Variants in RNF19A observed in about 807,000 individuals in gnomAD.
RNF19A encodes E3 ubiquitin-protein ligase RNF19A.
In RNF19A, 32 loss-of-function variants were observed where a neutral mutation model predicts 75.7. The ratio of observed to expected loss-of-function variants is 0.42; its 90% CI spans 0.32 to 0.57. The LOEUF (loss-of-function observed/expected upper bound fraction) is 0.57, where lower values mean the gene tolerates loss of function less well. Among genes scored for constraint, RNF19A ranks in the 20% least tolerant of loss-of-function variants. The probability of loss-of-function intolerance (pLI) is 0.10; values close to 1 mark genes in which losing one functional copy is unlikely to be tolerated. For missense variants in RNF19A, 782 were observed against 1,036.3 expected, an observed-to-expected ratio of 0.75 and a Z score of 3.37; for synonymous variants, 335 against 345.2, an observed-to-expected ratio of 0.97 and a Z score of 0.33.
intron 1 of RNF19A, among the ~76,000 whole-genome samples, chr8:100,327,004 T>C (rs60530370): frequency 0.022 from 3,299 of 152,324 alleles, 115 homozygotes; most frequent in African/African-American, 0.074. Context: ...TGATTAACAG[T>C]TCCTCAGCAG....
At chr8:100,311,863 A>T (rs999424575), upstream of RNF19A, among the ~76,000 whole-genome samples, 2 of 152,222 alleles carry the variant, frequency 1.3e-5, no homozygotes, top group Non-Finnish European at 2.9e-5. Flanking sequence ...TACAACGGTA[A>T]TATTTTCCAG....
At chr8:100,285,549 G>A (rs1480477537) in intron 2 of RNF19A, among the ~76,000 whole-genome samples, 1 of 150,832 alleles carries the variant, frequency 6.6e-6, no homozygotes, top group Non-Finnish European at 1.5e-5. Context: ...GTGACCAGAA[G>A]GTTTGTGTCC....
At chr8:100,335,713 G>A (rs1362490430) in intron 1 of RNF19A, among the ~76,000 whole-genome samples, 1 of 152,128 alleles carries the variant, frequency 6.6e-6, no homozygotes, top group East Asian at 1.9e-4. Context: ...GGCTTTTTAT[G>A]GTTTGAAGAG....
intron 1 of RNF19A, among the ~76,000 whole-genome samples, chr8:100,315,405 A>G (rs1409981775): frequency 6.6e-6 from 1 of 152,102 alleles, no homozygotes; most frequent in East Asian, 1.9e-4. Context: ...GGGGGGAAAA[A>G]TGCAACCAGG....
At chr8:100,265,394 G>A (rs1437996195) in intron 5 of RNF19A, among the ~76,000 whole-genome samples, 2 of 152,102 alleles carry the variant, frequency 1.3e-5, no homozygotes, top group Non-Finnish European at 2.9e-5. Flanking sequence ...GATAAATAAT[G>A]GCTACCAGAA....
intron 5 of RNF19A, among the ~76,000 whole-genome samples, chr8:100,265,680 T>C (rs1237294131): frequency 6.6e-6 from 1 of 152,178 alleles, no homozygotes; most frequent in Non-Finnish European, 1.5e-5. Context: ...TATTATTACA[T>C]GGTATAATAA....
chr8:100,269,134 T>C lies in RNF19A; in HGVS notation c.1029-187A>G, dbSNP rs902016871. 6.6e-6 allele frequency among the ~76,000 whole-genome samples: 1 copy of C among 150,430 alleles called. No homozygotes were observed. Among genetic ancestry groups the C allele is most frequent in the Admixed American group, 6.6e-5 (1 of 15,052 alleles). ...AAATTATATTAACAAGATATTGATA[T>C]ATCTTATTTTATATTATATTTTATT... On this transcript the variant is annotated intron_variant, in intron 4 of 9. Coordinates refer to ENST00000341084, the MANE Select transcript of RNF19A (RefSeq NM_183419.4). This position sits in a 1 kb window ranked among gnomAD's most constrained non-coding sequence, Gnocchi z 5.7.
chr8:100,307,766 T>C (rs753147086), intron 1 of RNF19A, among the ~76,000 whole-genome samples: 2 of 152,176 alleles, frequency 1.3e-5, no homozygotes, highest in Non-Finnish European at 2.9e-5. Flanking sequence ...CGACTTCACT[T>C]ACATTCAAAT....
At chr8:100,286,949 C>CAA (rs921627619) in intron 2 of RNF19A, among the ~76,000 whole-genome samples, 1 of 151,984 alleles carries the variant, frequency 6.6e-6, no homozygotes, top group Admixed American at 6.6e-5. Flanking sequence ...ATGTGTAATT[C>CAA]AAAAACTTGA....
At chr8:100,321,149 T>C (rs1308385584) in intron 1 of RNF19A, among the ~76,000 whole-genome samples, 1 of 152,234 alleles carries the variant, frequency 6.6e-6, no homozygotes, top group Non-Finnish European at 1.5e-5. Context: ...CAATTGACTC[T>C]TCCTTCCACA....
chr8:100,287,380 C>T lies in RNF19A; in HGVS notation c.674+121G>A. ...CATAGTGCCTGACATATGGTGTGCA[C>T]TCAACATGTCTGTTGAATGAATTCT... On this transcript the variant is annotated intron_variant, in intron 2 of 9. Coordinates refer to ENST00000341084, the MANE Select transcript of RNF19A (RefSeq NM_183419.4). The surrounding 1 kb of genome is among the most constrained non-coding windows in gnomAD (Gnocchi z 4.1). 3.6e-6 allele frequency: 3 copies of T among 831,364 alleles called. No homozygotes were observed. Among genetic ancestry groups the T allele is most frequent in the South Asian group, 1.8e-5 (1 of 56,250 alleles). 51.5% of individuals were successfully genotyped at this position (831,364 alleles called of 1,614,324 possible).
rs1822231983 is a variant in RNF19A at position 100,309,873 on chromosome 8, C to G, written c.-100G>C. 1 of 985,534 alleles carries G rather than the reference C, an allele frequency of 1.0e-6. No individual in the cohort carries two copies. Among genetic ancestry groups the G allele is most frequent in the Admixed American group, 6.1e-5 (1 of 16,280 alleles). 61.0% of individuals were successfully genotyped at this position (985,534 alleles called of 1,614,324 possible). On this transcript the variant is annotated 5_prime_UTR_variant, in exon 1 of 10. Transcript: ENST00000341084. ...TCCGGGTGCCCGCCCGTACCTTTAA[C>G]TCCTCAGAGCGGCGGCAGCGCAGGG...
chr8:100,316,256 A>G (rs760271900), intron 1 of RNF19A, among the ~76,000 whole-genome samples: 8 of 152,034 alleles, frequency 5.3e-5, no homozygotes, highest in Non-Finnish European at 1.2e-4. Context: ...TGAGTGTTAC[A>G]GCTCATAAAA....
upstream of RNF19A, among the ~76,000 whole-genome samples, chr8:100,313,856 T>C (rs145436740): frequency 1.3e-5 from 2 of 151,728 alleles, no homozygotes; most frequent in East Asian, 1.9e-4. Context: ...TCAGTCATAC[T>C]TGCATGGAAT....
intron 2 of RNF19A, among the ~76,000 whole-genome samples, chr8:100,279,268 C>T (rs896466762): frequency 6.6e-5 from 10 of 152,204 alleles, no homozygotes; most frequent in African/African-American, 2.4e-4. Flanking sequence ...CATATATACA[C>T]ACGGTATATT....
intron 2 of RNF19A, among the ~76,000 whole-genome samples, chr8:100,279,818 C>T (rs1174666830): frequency 2.0e-5 from 3 of 152,064 alleles, no homozygotes; most frequent in Non-Finnish European, 2.9e-5. Context: ...TGAGCCACCA[C>T]ACCCAGCCTC....
At chr8:100,315,332 G>T (rs1265424845) in intron 1 of RNF19A, among the ~76,000 whole-genome samples, 1 of 152,120 alleles carries the variant, frequency 6.6e-6, no homozygotes, top group African/African-American at 2.4e-5. Flanking sequence ...ACAGGACAAG[G>T]TACCATTAAT....
At chr8:100,285,636 ATT>A (rs879925792) in intron 2 of RNF19A, among the ~76,000 whole-genome samples, 3 of 145,652 alleles carry the variant, frequency 2.1e-5, no homozygotes, top group African/African-American at 5.0e-5. Flanking sequence ...CATTGTCAGA[ATT>A]TTTTTTTTTT....
intron 2 of RNF19A, among the ~76,000 whole-genome samples, chr8:100,277,105 A>C (rs1379102022): frequency 1.1e-4 from 16 of 152,222 alleles, no homozygotes; most frequent in Non-Finnish European, 2.2e-4. Flanking sequence ...AAGCAGCAAC[A>C]ATCAAGTTTT....
Sources: allele counts gnomAD v4.1 joint callset (sites outside exome capture counted in the v4.1 genomes callset), GRCh38; gene constraint gnomAD v4.1.1; non-coding constraint Gnocchi (gnomAD v3.1); transcripts MANE v1.5; gene names NCBI Gene and HGNC (gene_info 2026-07-23, HGNC 2026-07-21).